Variants in UNC13C observed in about 807,000 individuals in gnomAD.
The protein encoded by UNC13C is protein unc-13 homolog C.
UNC13C carries 174 observed loss-of-function variants against 245.4 expected under a neutral mutation model. The ratio of observed to expected loss-of-function variants is 0.71; its 90% CI spans 0.63 to 0.80. The LOEUF (loss-of-function observed/expected upper bound fraction) is 0.80. UNC13C is among the 30% of genes least tolerant of loss of function. The pLI, the probability that UNC13C is intolerant of heterozygous loss-of-function variation, is 0.00. For missense variants in UNC13C, 2,829 were observed against 2,602.9 expected (o/e 1.09, Z -1.89); for synonymous variants, 992 against 895.1 (o/e 1.11, Z -1.93).
At chr15:54,016,013 C>G (rs1396094369) in intron 2 of UNC13C, 127 bp downstream of exon 2, 2 of 816,608 alleles carry the variant, frequency 2.4e-6, no homozygotes, top group Non-Finnish European at 1.8e-6. Context: ...ATGCTTTACT[C>G]TGAGGAGCAT....
chr15:54,379,604 G>A (rs1288953312), intron 17 of UNC13C, among the ~76,000 whole-genome samples: 2 of 152,044 alleles, frequency 1.3e-5, no homozygotes, highest in Non-Finnish European at 2.9e-5. Context: ...CAAATTTGCA[G>A]GCCATATTTT....
At chr15:54,224,180 G>A (rs368725791) in intron 4 of UNC13C, among the ~76,000 whole-genome samples, 2 of 152,056 alleles carry the variant, frequency 1.3e-5, no homozygotes, top group African/African-American at 2.4e-5. Context: ...TTGAATAACC[G>A]TGGTGACAGT....
the UNC13C span, among the ~76,000 whole-genome samples, chr15:53,839,539 C>T: frequency 2.0e-5 from 3 of 151,952 alleles, no homozygotes; most frequent in East Asian, 3.9e-4. Context: ...TCATCATTTT[C>T]TTTTCAACCT....
intron 2 of UNC13C, among the ~76,000 whole-genome samples, chr15:54,027,393 G>C (rs569934744): frequency 1.9e-4 from 29 of 152,168 alleles, no homozygotes; most frequent in African/African-American, 6.5e-4. Context: ...TTTTGAGACA[G>C]AGTCTCGCTC....
intron 30 of UNC13C, among the ~76,000 whole-genome samples, chr15:54,572,626 A>T (rs1000711502): frequency 1.3e-5 from 2 of 151,734 alleles, no homozygotes; most frequent in Non-Finnish European, 2.9e-5. Flanking sequence ...GGATTTCACC[A>T]TGTTGGCCAG....
At chr15:54,358,219 C>T (rs1567212753) in intron 17 of UNC13C, among the ~76,000 whole-genome samples, 1 of 151,978 alleles carries the variant, frequency 6.6e-6, no homozygotes. Flanking sequence ...TTGGTCACTA[C>T]AGCTTTGTGG....
intron 2 of UNC13C, chr15:54,049,883 A>G (rs1344749781): frequency 4.3e-6 from 1 of 235,130 alleles, no homozygotes; most frequent in African/African-American, 2.4e-5. Context: ...TACAGTCTTC[A>G]CCAGCAGATA....
chr15:54,038,796 A>T (rs1896696441), intron 2 of UNC13C, among the ~76,000 whole-genome samples: 1 of 152,216 alleles, frequency 6.6e-6, no homozygotes, highest in Non-Finnish European at 1.5e-5. Flanking sequence ...TCCTATGTTT[A>T]ATCAAATTAT....
intron 13 of UNC13C, among the ~76,000 whole-genome samples, chr15:54,315,923 A>G (rs1164003263): frequency 6.6e-6 from 1 of 151,700 alleles, no homozygotes; most frequent in Non-Finnish European, 1.5e-5. Context: ...CTCATCATCT[A>G]CACACAACTA....
the UNC13C span, among the ~76,000 whole-genome samples, chr15:53,936,751 G>C: frequency 6.6e-6 from 1 of 152,292 alleles, no homozygotes; most frequent in South Asian, 2.1e-4. Context: ...CTAGGGTCTG[G>C]AGTGGACCCC....
chr15:54,322,970 C>T (rs987470236), intron 14 of UNC13C, among the ~76,000 whole-genome samples: 3 of 150,318 alleles, frequency 2.0e-5, no homozygotes, highest in South Asian at 2.1e-4. Context: ...TAGGCAGTAG[C>T]GCTGTTCAGT....
chr15:54,411,814 T>G (rs1021032240), intron 18 of UNC13C, among the ~76,000 whole-genome samples: 3 of 152,202 alleles, frequency 2.0e-5, no homozygotes, highest in Non-Finnish European at 2.9e-5. Context: ...AGAATCAGTT[T>G]GTTAATTTCC....
chr15:54,406,811 C>A (rs768474581), intron 18 of UNC13C, among the ~76,000 whole-genome samples: 6 of 152,096 alleles, frequency 3.9e-5, no homozygotes, highest in Non-Finnish European at 7.4e-5. Context: ...GCTAATTCTG[C>A]CTTGAATACA....
chr15:54,061,235 C>T (rs927420686), intron 2 of UNC13C, among the ~76,000 whole-genome samples: 1 of 151,204 alleles, frequency 6.6e-6, no homozygotes, highest in African/African-American at 2.4e-5. Context: ...CTAGAAAGGA[C>T]TAGAGTACTA....
chr15:54,460,602 G>T (rs915328243), intron 19 of UNC13C, among the ~76,000 whole-genome samples: 2 of 152,238 alleles, frequency 1.3e-5, no homozygotes, highest in African/African-American at 4.8e-5. Flanking sequence ...AGTTGGCCAG[G>T]ATAAGTACTT....
the UNC13C span, among the ~76,000 whole-genome samples, chr15:53,899,129 A>T: frequency 1.3e-5 from 2 of 152,150 alleles, no homozygotes; most frequent in Non-Finnish European, 2.9e-5. Flanking sequence ...TTATTTTAAC[A>T]CCATCAGTAT....
intron 4 of UNC13C, among the ~76,000 whole-genome samples, chr15:54,224,913 G>C (rs2035331658): frequency 1.3e-5 from 2 of 151,760 alleles, no homozygotes; most frequent in African/African-American, 4.8e-5. Flanking sequence ...ATTTCTTCTA[G>C]GTTTTCCAAT....
rs77503455 is a variant in UNC13C at position 54,489,832 on chromosome 15, C to G, written c.4934-4776C>G. Among the ~76,000 whole-genome samples, 1,478 of 152,308 alleles carry G rather than the reference C, an allele frequency of 9.7e-3. 12 individuals carry two copies. The highest frequency in any genetic ancestry group is 0.015 in the Non-Finnish European group (1,005 of 68,016). On this transcript the variant is annotated intron_variant, in intron 19 of 32. Transcript: ENST00000260323. ...AAGGGCAAACATCACAGGTAGATCT[C>G]ATTATATAGAAGCATATCATTTCTT...
At chr15:54,173,630 T>C (rs962699442) in intron 4 of UNC13C, among the ~76,000 whole-genome samples, 1 of 152,040 alleles carries the variant, frequency 6.6e-6, no homozygotes, top group African/African-American at 2.4e-5. Context: ...CTTAGGAGTT[T>C]CTATGTATAT....
Sources: gnomAD v4.1 joint callset for allele counts (sites outside exome capture counted in the v4.1 genomes callset) on GRCh38, gnomAD v4.1.1 for gene constraint, MANE v1.5 for transcripts, NCBI Gene and HGNC (gene_info 2026-07-23, HGNC 2026-07-21) for gene names.